The following ZNF888 variants were observed in gnomAD, a reference collection of about 807,000 sequenced individuals.
The protein encoded by ZNF888 is CTD-2331H12.6.
A neutral mutation model predicts 7.2 loss-of-function variants in ZNF888; 5 were observed. The observed-to-expected ratio is 0.70, with a 90% CI of 0.36 to 1.46. The LOEUF (loss-of-function observed/expected upper bound fraction) is 1.46, where lower values mean the gene tolerates loss of function less well. Ranked by LOEUF, ZNF888 falls within the 40% of genes most tolerant of loss-of-function variation. ZNF888 has a pLI of 0.03. For missense variants in ZNF888, 716 were observed against 858.0 expected (o/e 0.83, Z 2.07); for synonymous variants, 240 against 284.3 (o/e 0.84, Z 1.57).
chr19:52,911,484 G>T (rs189765435), intron 4 of ZNF888, among the ~76,000 whole-genome samples: 1,903 of 150,904 alleles, frequency 0.013, 35 homozygotes, highest in African/African-American at 0.044. Context: ...GACCACAGGC[G>T]CCCGCCACTA....
chr19:52,909,944 C>T (rs2147925580), intron 4 of ZNF888, among the ~76,000 whole-genome samples: 1 of 151,822 alleles, frequency 6.6e-6, no homozygotes, highest in South Asian at 2.1e-4. Flanking sequence ...GGTGGATCAC[C>T]CAAGGTCAGG....
chr19:52,912,454 G>A (rs116799301), intron 4 of ZNF888, among the ~76,000 whole-genome samples: 15 of 150,454 alleles, frequency 1.0e-4, no homozygotes, highest in African/African-American at 2.7e-4. Flanking sequence ...GGCCGGGCAC[G>A]GTGTCTCATG....
chr19:52,912,183 G>C (rs1444504942), intron 4 of ZNF888, among the ~76,000 whole-genome samples: 1 of 138,186 alleles, frequency 7.2e-6, no homozygotes, highest in South Asian at 2.4e-4. Context: ...GCAAGATCTC[G>C]GCTCACTGCA....
chr19:52,920,489 CAAAAAAAAAA>C (rs1191621530), intron 1 of ZNF888, among the ~76,000 whole-genome samples: 2,812 of 6,790 alleles, frequency 0.41, 336 homozygotes, highest in Middle Eastern at 0.5. Flanking sequence ...TGCTTGAAGG[CAAAAAAAAAA>C]AAAAAAAAAA....
In ZNF888 at chr19:52,917,863, G is replaced by A. The variant is rs1454939607; in HGVS notation, c.11C>T (p.Pro4Leu). The A allele has an allele frequency of 2.5e-6, 4 of 1,613,286 alleles. No homozygotes were observed. In the South Asian group the frequency reaches 3.3e-5, roughly 13 times the overall value. ...CCACAGAGAATATCATCTCACCTGA[G>A]GAAGAGCCATCCCTGACTCCTTTGC... MAL[P>L]QGLLTFRDVA... Residue 4 changes from proline to leucine, a missense_variant, in exon 3 of 5, where the codon CCT becomes CTT. Transcript: ENST00000638862.
At chr19:52,920,508 A>G (rs1228515263) in intron 1 of ZNF888, among the ~76,000 whole-genome samples, 6 of 42,556 alleles carry the variant, frequency 1.4e-4, no homozygotes, top group Admixed American at 3.1e-4. Flanking sequence ...AAAAAAAAAA[A>G]AAAAAAAAGA....
At chr19:52,923,188 C>T (rs1416042337) in intron 1 of ZNF888, among the ~76,000 whole-genome samples, 181 bp downstream of exon 1, 1 of 152,176 alleles carries the variant, frequency 6.6e-6, no homozygotes, top group Non-Finnish European at 1.5e-5. Context: ...ACAGGGCAGC[C>T]TCAGGGCGAC....
chr19:52,918,099 C>G, intron 2 of ZNF888, 168 bp from the exon 3 acceptor site: 1 of 1,413,510 alleles, frequency 7.1e-7, no homozygotes. Context: ...AGGAAAACTC[C>G]CACTCCCCTT....
chr19:52,921,352 G>A (rs2064821332), intron 1 of ZNF888, among the ~76,000 whole-genome samples: 1 of 152,190 alleles, frequency 6.6e-6, no homozygotes, highest in Non-Finnish European at 1.5e-5. Context: ...AGGGTTCCCT[G>A]CCAGGGAATG....
Position 52,919,847 on chromosome 19 carries a change from C to T in ZNF888, c.-177-910G>A, listed in dbSNP as rs1472757049. On this transcript the variant is annotated intron_variant, in intron 1 of 4. Coordinates refer to ENST00000638862, the MANE Select transcript of ZNF888 (RefSeq NM_001393938.1). ...GAGGTGAGGAGCGTCTCTGCCCGGC[C>T]GCCCCGTCTGAGAAGTGAGGAAACC... Among the ~76,000 whole-genome samples the T allele has an allele frequency of 1.0e-4, 6 of 59,050 alleles. 3 individuals carry two copies. The highest frequency in any genetic ancestry group is 2.3e-4 in the African/African-American group (4 of 17,398). The allele number at this position is 59,050 out of a possible 152,430, so 38.7% of individuals were successfully genotyped here.
intron 3 of ZNF888, 84 bp from the exon 4 acceptor site, chr19:52,915,406 A>G: frequency 6.2e-7 from 1 of 1,612,160 alleles, no homozygotes; most frequent in Non-Finnish European, 8.5e-7. Context: ...AGGGGAAAGC[A>G]TGGATTTAAT....
In ZNF888 at chr19:52,920,251, G is replaced by A. The variant is rs918924512; in HGVS notation, c.-177-1314C>T. Among the ~76,000 whole-genome samples, 14 of 65,150 alleles carry A rather than the reference G, an allele frequency of 2.1e-4. 5 individuals are homozygous for A. Among genetic ancestry groups the A allele is most frequent in the Non-Finnish European group, 4.3e-4 (12 of 27,738 alleles). 42.7% of individuals were successfully genotyped at this position (65,150 alleles called of 152,430 possible). ...TGGAGGTTTTGTGGAATAGAAAGGCGGGAAAGGTGGGGAAAAAATTGAGAG... is the reference window on the plus strand; with the variant it reads ...TGGAGGTTTTGTGGAATAGAAAGGCAGGAAAGGTGGGGAAAAAATTGAGAG... On this transcript the variant is annotated intron_variant, in intron 1 of 4. Coordinates refer to ENST00000638862, the MANE Select transcript of ZNF888 (RefSeq NM_001393938.1).
intron 1 of ZNF888, among the ~76,000 whole-genome samples, chr19:52,922,309 A>AC (rs758854766): frequency 7.3e-5 from 11 of 150,586 alleles, no homozygotes; most frequent in Non-Finnish European, 8.9e-5. Flanking sequence ...TCCCCGTTAT[A>AC]CCCCCCTGGC....
chr19:52,917,955 T>G, intron 2 of ZNF888, 24 bp from the exon 3 acceptor site: 1 of 1,604,138 alleles, frequency 6.2e-7, no homozygotes, highest in East Asian at 2.2e-5. Flanking sequence ...TCATGAATGT[T>G]AGAAATATGT....
chr19:52,911,485 CCCG>C (rs2064678009), intron 4 of ZNF888, among the ~76,000 whole-genome samples: 1 of 151,830 alleles, frequency 6.6e-6, no homozygotes, highest in African/African-American at 2.4e-5. Context: ...ACCACAGGCG[CCCG>C]CCACTATGCC....
rs1016634033 is a variant in ZNF888 at position 52,907,294 on chromosome 19, C to T, written c.1028G>A (p.Arg343His). 62 of 1,612,990 alleles carry T rather than the reference C, an allele frequency of 3.8e-5. No individual in the cohort carries two copies. Among genetic ancestry groups the T allele is most frequent in the African/African-American group, 5.4e-5 (4 of 74,626 alleles). The change falls in exon 5 of 5, where the codon CGT (arginine) becomes CAT (histidine). Residue 343 changes from arginine (R) to histidine (H), a missense_variant. Arg to His is a conservative substitution (Grantham distance 29). Coordinates refer to ENST00000638862, the MANE Select transcript of ZNF888 (RefSeq NM_001393938.1). ...CTCTCCAGTATGAACTCTATGATGA[C>T]GTGCAAGGTTTGATTGTTGATTAAA... ...KVFNQQSNLARHHRVHTGEKP... is the reference protein window; with the variant it reads ...KVFNQQSNLAHHHRVHTGEKP...
chr19:52,912,466 C>G (rs1412467010), intron 4 of ZNF888, among the ~76,000 whole-genome samples: 1 of 148,736 alleles, frequency 6.7e-6, no homozygotes, highest in Non-Finnish European at 1.5e-5. Flanking sequence ...TGTCTCATGC[C>G]AGTAATCCCA....
chr19:52,911,897 A>T (rs2064684771), intron 4 of ZNF888, among the ~76,000 whole-genome samples: 1 of 151,696 alleles, frequency 6.6e-6, no homozygotes, highest in South Asian at 2.1e-4. Context: ...GCTCACTGCA[A>T]GCTCTGCCTC....
intron 3 of ZNF888, chr19:52,917,521 T>C (rs11669026): frequency 0.5 from 327,067 of 656,244 alleles, 86,151 homozygotes; most frequent in Middle Eastern, 0.58. Context: ...TACTCTAATC[T>C]TGGTCCACAG....
Sources: gnomAD v4.1 joint callset for allele counts (sites outside exome capture counted in the v4.1 genomes callset) on GRCh38, gnomAD v4.1.1 for gene constraint, MANE v1.5 for transcripts, NCBI Gene and HGNC (gene_info 2026-07-23, HGNC 2026-07-21) for gene names.